CDH18: variants seen among roughly 807,000 people sequenced by gnomAD.
CDH18 encodes the protein cadherin 18.
In CDH18, 31 loss-of-function variants were observed where a neutral mutation model predicts 67.9. The ratio of observed to expected loss-of-function variants is 0.46; its 90% CI spans 0.34 to 0.62. The LOEUF is 0.62. Among genes scored for constraint, CDH18 ranks in the 20% least tolerant of loss-of-function variants. The pLI, the probability that CDH18 is intolerant of heterozygous loss-of-function variation, is 0.01. For synonymous variants in CDH18, 362 were observed against 347.2 expected (o/e 1.04, Z -0.48); for missense variants, 890 against 975.5 (o/e 0.91, Z 1.17).
intron 2 of CDH18, among the ~76,000 whole-genome samples, chr5:20,014,259 T>C (rs1737698672): frequency 6.6e-6 from 1 of 152,138 alleles, no homozygotes; most frequent in African/African-American, 2.4e-5. Context: ...CCATAGTCTC[T>C]GCCTGTAATT....
At chr5:19,617,574 G>A (rs116164025) in intron 5 of CDH18, among the ~76,000 whole-genome samples, 195 of 152,154 alleles carry the variant, frequency 1.3e-3, no homozygotes, top group African/African-American at 4.4e-3. Flanking sequence ...AAATGGTTAC[G>A]GCATATTCTA....
At chr5:20,415,473 T>TA (rs1747217785) in intron 1 of CDH18, among the ~76,000 whole-genome samples, 2 of 152,120 alleles carry the variant, frequency 1.3e-5, no homozygotes, top group South Asian at 4.2e-4. Context: ...CATTCAGCCT[T>TA]AAAAAAAGAT....
intron 2 of CDH18, among the ~76,000 whole-genome samples, chr5:20,051,226 A>T (rs972914523): frequency 4.6e-5 from 7 of 151,976 alleles, no homozygotes; most frequent in African/African-American, 1.7e-4. Flanking sequence ...TGTGTGATAC[A>T]TTAAAAATTC....
chr5:19,790,553 T>C (rs1776253070), intron 3 of CDH18, among the ~76,000 whole-genome samples: 1 of 152,218 alleles, frequency 6.6e-6, no homozygotes, highest in African/African-American at 2.4e-5. Context: ...GGAGTGTCTA[T>C]GAGAAGAGAT....
At chr5:19,476,908 C>A (rs1217786922) in intron 12 of CDH18, among the ~76,000 whole-genome samples, 1 of 151,646 alleles carries the variant, frequency 6.6e-6, no homozygotes, top group Non-Finnish European at 1.5e-5. Flanking sequence ...AGGGATAATC[C>A]TGGCTTTTTA....
intron 3 of CDH18, among the ~76,000 whole-genome samples, chr5:19,796,844 T>A (rs1776908756): frequency 6.6e-6 from 1 of 151,656 alleles, no homozygotes; most frequent in South Asian, 2.1e-4. Context: ...TGGTTAAAAG[T>A]CACCTATGTT....
chr5:20,402,889 C>A (rs1465802341), intron 1 of CDH18, among the ~76,000 whole-genome samples: 1 of 151,166 alleles, frequency 6.6e-6, no homozygotes, highest in Admixed American at 6.6e-5. Flanking sequence ...GGCTGGGTAA[C>A]AGAGCAAGCC....
chr5:19,543,635 A>T (rs1162359572), intron 9 of CDH18, among the ~76,000 whole-genome samples: 2 of 152,188 alleles, frequency 1.3e-5, no homozygotes, highest in Non-Finnish European at 2.9e-5. Context: ...AGGATGAGGC[A>T]TAAGTGTTCT....
chr5:19,803,753 A>C (rs1777713293), intron 3 of CDH18: 1 of 152,186 alleles, frequency 6.6e-6, no homozygotes, highest in Non-Finnish European at 1.5e-5. Context: ...TAGCTAATAA[A>C]TTGTTTTCAA....
At chr5:19,497,376 G>T (rs1223077359) in intron 11 of CDH18, among the ~76,000 whole-genome samples, 1 of 152,210 alleles carries the variant, frequency 6.6e-6, no homozygotes, top group Non-Finnish European at 1.5e-5. Flanking sequence ...TCCTTAAGCA[G>T]TTCATTAGCT....
At position 19,667,032 on chromosome 5, in the gene CDH18, A is replaced by T. The variant is rs373222985; in HGVS notation, c.643+54315T>A. On this transcript the variant is annotated intron_variant, in intron 5 of 12. Coordinates refer to ENST00000382275, the MANE Select transcript of CDH18 (RefSeq NM_004934.5). ...TTGGTGTTTTTTAAGTGTTGAAATA[A>T]TCTCAATAAAGTTTTTAATTCAATT... Among the ~76,000 whole-genome samples, 36 of 152,140 alleles carry T rather than the reference A, an allele frequency of 2.4e-4. 1 individual carries two copies. The East Asian group carries it at 4.6e-3, about 20-fold the overall frequency.
At chr5:20,453,472 T>G (rs1750614799) in intron 1 of CDH18, among the ~76,000 whole-genome samples, 1 of 152,074 alleles carries the variant, frequency 6.6e-6, no homozygotes. Flanking sequence ...AAATACCCCA[T>G]GCATTGCTTA....
At chr5:19,692,740 T>C (rs2150430852) in intron 5 of CDH18, among the ~76,000 whole-genome samples, 1 of 151,936 alleles carries the variant, frequency 6.6e-6, no homozygotes, top group Non-Finnish European at 1.5e-5. Flanking sequence ...ATAGATTTTG[T>C]TGAGGATGCA....
chr5:19,635,542 G>T (rs1018223297), intron 5 of CDH18, among the ~76,000 whole-genome samples: 1 of 152,136 alleles, frequency 6.6e-6, no homozygotes, highest in East Asian at 1.9e-4. Flanking sequence ...AGTTGCACTG[G>T]ATGGTTGGAA....
At chr5:20,083,111 C>T (rs1744628764) in intron 2 of CDH18, among the ~76,000 whole-genome samples, 2 of 152,048 alleles carry the variant, frequency 1.3e-5, no homozygotes, top group South Asian at 2.1e-4. Flanking sequence ...AATTAATGAA[C>T]TAAGAAAGGG....
chr5:20,215,301 G>A (rs1740675301), intron 2 of CDH18, among the ~76,000 whole-genome samples: 1 of 151,782 alleles, frequency 6.6e-6, no homozygotes, highest in African/African-American at 2.4e-5. Flanking sequence ...TATAATTCAG[G>A]TATATATACA....
At chr5:19,683,509 C>T (rs1462963052) in intron 5 of CDH18, among the ~76,000 whole-genome samples, 2 of 151,950 alleles carry the variant, frequency 1.3e-5, no homozygotes, top group Non-Finnish European at 2.9e-5. Context: ...TTGACTCTGG[C>T]TAATGGACTT....
rs368350799 is a variant in CDH18, at chr5:19,956,856, A to C, written c.-257+24204T>G. Among the ~76,000 whole-genome samples, 68 of 151,976 alleles carry C rather than the reference A, an allele frequency of 4.5e-4. 2 individuals are homozygous for C. In the East Asian group the frequency reaches 0.012, roughly 28 times the overall value. On this transcript the variant is annotated intron_variant, in intron 2 of 12. Transcript: ENST00000382275. ...TTAACATTTTCAGTTGTCATGCATA[A>C]TTCGTATAAGAATCTCAAGAGCAGA...
At chr5:20,542,525 AT>A (rs1757108772) in intron 1 of CDH18, among the ~76,000 whole-genome samples, 4 of 151,638 alleles carry the variant, frequency 2.6e-5, no homozygotes, top group Non-Finnish European at 5.9e-5. Context: ...ATGCATATAT[AT>A]GCTATATATG....
Sources: gnomAD v4.1 joint callset for allele counts (sites outside exome capture counted in the v4.1 genomes callset) on GRCh38, gnomAD v4.1.1 for gene constraint, MANE v1.5 for transcripts, NCBI Gene and HGNC (gene_info 2026-07-23, HGNC 2026-07-21) for gene names.